Variants in ALK observed in about 807,000 individuals in gnomAD.
The protein encoded by ALK is ALK receptor tyrosine kinase.
ALK carries 74 observed loss-of-function variants against 163.1 expected under a neutral mutation model. That is an observed-to-expected ratio of 0.45 (90% confidence interval 0.38 to 0.55). The LOEUF is 0.55. ALK is among the 20% of genes least tolerant of loss of function. ALK has a pLI of 0.00. For synonymous variants in ALK, 960 were observed against 843.2 expected (o/e 1.14, Z -2.40); for missense variants, 2,063 against 2,105.3 (o/e 0.98, Z 0.39).
rs1212774347 is a variant in ALK, at chr2:29,214,869, C to CCAAGT, written c.3646-793_3646-789dup. 3.9e-5 allele frequency among the ~76,000 whole-genome samples: 6 copies of CCAAGT among 152,306 alleles called. No homozygotes were observed. The South Asian group carries it at 6.2e-4, about 16-fold the overall frequency. On this transcript the variant is annotated intron_variant, in intron 23 of 28. Coordinates refer to ENST00000389048, the MANE Select transcript of ALK (RefSeq NM_004304.5). Reference sequence around the variant, plus strand: ...GTTCCATGTTGATTTCACCATTTCCCCAAGTCACGGTGATGAAGTTCCAGA... The same window carrying CCAAGT: ...GTTCCATGTTGATTTCACCATTTCCCCAAGTCAAGTCACGGTGATGAAGTTCCAGA...
chr2:29,410,875 A>G (rs1417255870), intron 4 of ALK, among the ~76,000 whole-genome samples: 1 of 152,230 alleles, frequency 6.6e-6, no homozygotes. Context: ...CACTTAGGCT[A>G]CACTGAATTA....
At chr2:29,834,994 G>C (rs1665519565) in intron 1 of ALK, among the ~76,000 whole-genome samples, 2 of 152,328 alleles carry the variant, frequency 1.3e-5, no homozygotes, top group South Asian at 4.1e-4. Context: ...CATTAGACAA[G>C]CTCGCAGAGC....
intron 1 of ALK, among the ~76,000 whole-genome samples, chr2:29,736,490 T>C (rs902683738): frequency 6.6e-6 from 1 of 152,078 alleles, no homozygotes; most frequent in Non-Finnish European, 1.5e-5. Context: ...AAGTAACTTA[T>C]ATTTTAGTAC....
intron 1 of ALK, among the ~76,000 whole-genome samples, chr2:29,818,299 C>T (rs1664952423): frequency 6.6e-6 from 1 of 152,120 alleles, no homozygotes; most frequent in Admixed American, 6.5e-5. Flanking sequence ...GTCATTATAC[C>T]GTTTGAGTTT....
At chr2:29,410,165 G>C (rs868431206) in intron 4 of ALK, among the ~76,000 whole-genome samples, 2 of 152,066 alleles carry the variant, frequency 1.3e-5, no homozygotes, top group African/African-American at 4.8e-5. Context: ...CGGTGTGAAA[G>C]GAGGACCCCC....
intron 1 of ALK, among the ~76,000 whole-genome samples, chr2:29,848,347 CTTTT>C (rs34182049): frequency 7.2e-6 from 1 of 139,174 alleles, no homozygotes. Context: ...TTCAGGAAGG[CTTTT>C]TTTTTTTTTT....
At chr2:29,382,411 T>C (rs1668922401) in intron 5 of ALK, among the ~76,000 whole-genome samples, 1 of 152,198 alleles carries the variant, frequency 6.6e-6, no homozygotes, top group Admixed American at 6.5e-5. Context: ...CTTGAGATCC[T>C]TGATTTTAAC....
At chr2:29,786,126 G>A (rs372639774) in intron 1 of ALK, among the ~76,000 whole-genome samples, 12 of 152,232 alleles carry the variant, frequency 7.9e-5, no homozygotes, top group South Asian at 4.2e-4. Context: ...TTTTAATGAC[G>A]AATGCTACCG....
intron 2 of ALK, among the ~76,000 whole-genome samples, chr2:29,697,540 T>C (rs1288616034): frequency 1.3e-5 from 2 of 152,270 alleles, no homozygotes; most frequent in East Asian, 3.9e-4. Context: ...CATGGCGGGC[T>C]CTCAAAGCTG....
At chr2:29,754,700 T>TAAC (rs1216055500) in intron 1 of ALK, among the ~76,000 whole-genome samples, 1 of 151,776 alleles carries the variant, frequency 6.6e-6, no homozygotes, top group Admixed American at 6.6e-5. Flanking sequence ...AAAATAATAA[T>TAAC]AATAATAATA....
chr2:29,357,703 T>G (rs1002429412), intron 5 of ALK, among the ~76,000 whole-genome samples: 1 of 152,174 alleles, frequency 6.6e-6, no homozygotes, highest in Non-Finnish European at 1.5e-5. Flanking sequence ...CAGGTGGGAT[T>G]TGACCTAGCA....
chr2:29,601,136 A>G (rs187883989), intron 3 of ALK, among the ~76,000 whole-genome samples: 2 of 152,366 alleles, frequency 1.3e-5, no homozygotes, highest in East Asian at 3.9e-4. Context: ...GTTTCAAACT[A>G]GCCAATTCAC....
Position 29,532,046 on chromosome 2 carries a change from G to A in ALK, c.1023C>T (p.Ser341=), listed in dbSNP as rs2148158714. 6.2e-7 allele frequency: 1 copy of A among 1,614,088 alleles called. No individual in the cohort carries two copies. The highest frequency in any genetic ancestry group is 8.5e-7 in the Non-Finnish European group (1 of 1,180,002). Residue 341 remains serine, a synonymous_variant, in exon 4 of 29, where the codon AGC becomes AGT. Transcript: ENST00000389048. ...HTILSPWMRS[S]SEHCTLAVSV... is the part of the protein sequence containing the mutation. ...AGACGGCCAGTGTGCAGTGCTCACT[G>A]CTGCTCCTCATCCACGGACTCAGGA...
intron 4 of ALK, among the ~76,000 whole-genome samples, chr2:29,448,423 T>TGGGC (rs1670741053): frequency 6.6e-6 from 1 of 152,190 alleles, no homozygotes; most frequent in South Asian, 2.1e-4. Flanking sequence ...GTGTGCCTCA[T>TGGGC]GGGCGTGTTA....
At position 29,710,190 on chromosome 2, in the gene ALK, TCTTA is replaced by T. The variant is rs377678798; in HGVS notation, c.787+7384_787+7387del. 1.5e-3 allele frequency among the ~76,000 whole-genome samples: 235 copies of T among 152,278 alleles called. No individual in the cohort carries two copies. In the Middle Eastern group the frequency reaches 0.017, roughly 11 times the overall value. On this transcript the variant is annotated intron_variant, in intron 2 of 28. Transcript: ENST00000389048. ...TAAGATGTGGCAAGAGGTAAGCACATCTTACTTACCACAAAATGCTCCTCCTTGC... is the reference window on the plus strand; with the variant it reads ...TAAGATGTGGCAAGAGGTAAGCACATCTTACCACAAAATGCTCCTCCTTGC...
At chr2:29,439,351 G>A (rs1042559222) in intron 4 of ALK, among the ~76,000 whole-genome samples, 1 of 152,042 alleles carries the variant, frequency 6.6e-6, no homozygotes, top group Non-Finnish European at 1.5e-5. Context: ...GCTCTTACTT[G>A]ACTATTAAAA....
At chr2:29,734,017 G>A (rs1679819955) in intron 1 of ALK, among the ~76,000 whole-genome samples, 5 of 152,114 alleles carry the variant, frequency 3.3e-5, no homozygotes, top group Admixed American at 3.3e-4. Context: ...CTGTCAGTCT[G>A]CGAGCCAGCA....
intron 1 of ALK, among the ~76,000 whole-genome samples, chr2:29,816,495 GGGATGAA>G (rs1664902440): frequency 1.3e-5 from 2 of 152,002 alleles, no homozygotes; most frequent in Non-Finnish European, 1.5e-5. Context: ...CAGCAGGCAG[GGGATGAA>G]GGATTCATCA....
At chr2:29,215,694 G>A in intron 23 of ALK, among the ~76,000 whole-genome samples, 1 of 21,408 alleles carries the variant, frequency 4.7e-5, no homozygotes, top group East Asian at 1.4e-3. Flanking sequence ...GCCTGAAGGG[G>A]GTTGGAGCGT....
Sources: allele counts gnomAD v4.1 joint callset (sites outside exome capture counted in the v4.1 genomes callset), GRCh38; gene constraint gnomAD v4.1.1; transcripts MANE v1.5; gene names NCBI Gene and HGNC (gene_info 2026-07-23, HGNC 2026-07-21).